The following PNPLA1 variants were observed in gnomAD, a reference collection of about 807,000 sequenced individuals.
PNPLA1 encodes the protein omega-hydroxyceramide transacylase.
PNPLA1 carries 36 observed loss-of-function variants against 51.7 expected under a neutral mutation model. The ratio of observed to expected loss-of-function variants is 0.70; its 90% CI spans 0.53 to 0.92. The LOEUF (loss-of-function observed/expected upper bound fraction) is 0.92. Ranked by LOEUF, PNPLA1 falls within the 40% of genes least tolerant of loss-of-function variation. PNPLA1 has a pLI of 0.00. For synonymous variants in PNPLA1, 293 were observed against 280.1 expected, an observed-to-expected ratio of 1.05 and a Z score of -0.46; for missense variants, 658 against 682.5, an observed-to-expected ratio of 0.96 and a Z score of 0.40.
At position 36,291,561 on chromosome 6, in the gene PNPLA1, G is replaced by C. The variant is rs1457496399; in HGVS notation, c.438+9G>C. On this transcript the variant is annotated intron_variant, in intron 2 of 8. Transcript: ENST00000636260. ...AGGAGGAGCTCATTGAGGCAAGGGGGCTGGGCTGGGAGGGAGGGACACGGA... is the reference window on the plus strand; with the variant it reads ...AGGAGGAGCTCATTGAGGCAAGGGGCCTGGGCTGGGAGGGAGGGACACGGA... The C allele has an allele frequency of 1.4e-6, 2 of 1,429,452 alleles. No individual in the cohort carries two copies. The highest frequency in any genetic ancestry group is 4.9e-5 in the East Asian group (2 of 41,134). 88.5% of individuals were successfully genotyped at this position (1,429,452 alleles called of 1,614,324 possible).
intron 5 of PNPLA1, among the ~76,000 whole-genome samples, chr6:36,300,664 C>T (rs748440403): frequency 9.9e-5 from 15 of 152,254 alleles, no homozygotes; most frequent in Middle Eastern, 3.4e-3. Flanking sequence ...GCCAACATGA[C>T]GTATCCCTGC....
chr6:36,273,801 G>A (rs1238303466), intron 1 of PNPLA1, among the ~76,000 whole-genome samples: 1 of 145,022 alleles, frequency 6.9e-6, no homozygotes, highest in Non-Finnish European at 1.5e-5. Flanking sequence ...AACTCATTCA[G>A]TTTGATGAAT....
intron 6 of PNPLA1, among the ~76,000 whole-genome samples, chr6:36,303,252 G>T (rs1018644242): frequency 6.6e-6 from 1 of 151,968 alleles, no homozygotes; most frequent in Non-Finnish European, 1.5e-5. Context: ...CCGCCACCAC[G>T]CCTGGCTAAT....
chr6:36,274,805 C>T lies in PNPLA1; in HGVS notation c.205+4141C>T, dbSNP rs115537692. Reference sequence around the variant, plus strand: ...CTGACTGCTAGTGATGTTCAGCATCCCCATGTACTTATTGACCACTAGACG... The same window carrying T: ...CTGACTGCTAGTGATGTTCAGCATCTCCATGTACTTATTGACCACTAGACG... On this transcript the variant is annotated intron_variant, in intron 1 of 8. Coordinates refer to ENST00000636260, the MANE Select transcript of PNPLA1 (RefSeq NM_001374623.1). Among the ~76,000 whole-genome samples, 497 of 152,270 alleles carry T rather than the reference C, an allele frequency of 3.3e-3. 4 individuals carry two copies. Among genetic ancestry groups the T allele is most frequent in the African/African-American group, 0.011 (476 of 41,538 alleles).
At chr6:36,275,518 A>T (rs1441775084) in intron 1 of PNPLA1, among the ~76,000 whole-genome samples, 1 of 152,176 alleles carries the variant, frequency 6.6e-6, no homozygotes, top group Non-Finnish European at 1.5e-5. Context: ...TAGAGATCTA[A>T]TTTTTAAATT....
intron 1 of PNPLA1, among the ~76,000 whole-genome samples, chr6:36,252,559 A>C (rs867368128): frequency 3.8e-5 from 5 of 132,384 alleles, no homozygotes; most frequent in Non-Finnish European, 8.2e-5. Context: ...AAAAAAAAAA[A>C]CCCAGGCACT....
intron 8 of PNPLA1, chr6:36,307,950 C>A (rs979124327): frequency 1.3e-5 from 5 of 398,600 alleles, no homozygotes; most frequent in African/African-American, 1.0e-4. Flanking sequence ...GGGGATGATA[C>A]CACTTCATAA....
At chr6:36,257,800 C>A (rs549683217) in intron 1 of PNPLA1, among the ~76,000 whole-genome samples, 2 of 152,170 alleles carry the variant, frequency 1.3e-5, no homozygotes, top group Non-Finnish European at 2.9e-5. Flanking sequence ...CATTTTCCTG[C>A]TTCTAATGTC....
intron 7 of PNPLA1, 81 bp from the exon 8 acceptor site, chr6:36,307,506 C>G: frequency 6.5e-7 from 1 of 1,533,620 alleles, no homozygotes; most frequent in Non-Finnish European, 8.8e-7. Flanking sequence ...GGTGTGTCCA[C>G]CTGCGGAGCT....
chr6:36,252,015 A>G (rs1394340045), intron 1 of PNPLA1, among the ~76,000 whole-genome samples: 4 of 152,242 alleles, frequency 2.6e-5, no homozygotes, highest in African/African-American at 9.6e-5. Context: ...TCAATGAATG[A>G]ATAGCGGCAG....
At chr6:36,273,047 C>G (rs1341639811) in intron 1 of PNPLA1, among the ~76,000 whole-genome samples, 1 of 151,666 alleles carries the variant, frequency 6.6e-6, no homozygotes, top group Non-Finnish European at 1.5e-5. Context: ...GGGTTCAAGA[C>G]CAGCCTGGCC....
chr6:36,306,252 C>G (rs748929081), intron 6 of PNPLA1, 40 bp from the exon 7 acceptor site: 2 of 1,485,816 alleles, frequency 1.3e-6, no homozygotes, highest in South Asian at 2.4e-5. Flanking sequence ...CATATCCCCC[C>G]TCCCCATCTC....
chr6:36,291,743 G>A (rs375760923), intron 2 of PNPLA1, among the ~76,000 whole-genome samples, 191 bp downstream of exon 2: 1 of 152,168 alleles, frequency 6.6e-6, no homozygotes, highest in East Asian at 1.9e-4. Flanking sequence ...AGCCCAGGAC[G>A]AACCAGGCTT....
chr6:36,267,854 A>G (rs1383549913), upstream of PNPLA1, among the ~76,000 whole-genome samples: 1 of 151,472 alleles, frequency 6.6e-6, no homozygotes, highest in African/African-American at 2.4e-5. Flanking sequence ...ATCATCCTCC[A>G]CCCAGCTTCC....
At chr6:36,288,648 C>T (rs952698937) in intron 1 of PNPLA1, among the ~76,000 whole-genome samples, 1 of 151,364 alleles carries the variant, frequency 6.6e-6, no homozygotes, top group African/African-American at 2.4e-5. Flanking sequence ...TTAGTAGAGA[C>T]GGGGTTTCAC....
chr6:36,246,941 G>C (rs922737319), intron 1 of PNPLA1, among the ~76,000 whole-genome samples: 1 of 151,974 alleles, frequency 6.6e-6, no homozygotes, highest in Non-Finnish European at 1.5e-5. Context: ...GCCTCCCCGC[G>C]CTCACTGCTG....
intron 6 of PNPLA1, among the ~76,000 whole-genome samples, chr6:36,305,499 CTTTA>C (rs1288922800): frequency 6.6e-6 from 1 of 152,068 alleles, no homozygotes; most frequent in East Asian, 1.9e-4. Context: ...TTTATATTAC[CTTTA>C]TTTATATATA....
At chr6:36,300,338 G>GTGCATAGT (rs1771001943) in intron 5 of PNPLA1, among the ~76,000 whole-genome samples, 1 of 151,860 alleles carries the variant, frequency 6.6e-6, no homozygotes, top group African/African-American at 2.4e-5. Context: ...GGGGCTACAG[G>GTGCATAGT]TGCATGCCAC....
intron 1 of PNPLA1, among the ~76,000 whole-genome samples, chr6:36,257,662 C>T (rs1186253577): frequency 6.6e-6 from 1 of 152,206 alleles, no homozygotes; most frequent in Non-Finnish European, 1.5e-5. Flanking sequence ...TCATTATGAG[C>T]ATATTCTCAT....
Sources: allele counts gnomAD v4.1 joint callset (sites outside exome capture counted in the v4.1 genomes callset), GRCh38; gene constraint gnomAD v4.1.1; transcripts MANE v1.5; gene names NCBI Gene and HGNC (gene_info 2026-07-23, HGNC 2026-07-21).